The following MYOF variants were observed in gnomAD, a reference collection of about 807,000 sequenced individuals.
The protein encoded by MYOF is fer-1-like 3, myoferlin.
MYOF carries 244 observed loss-of-function variants against 284.2 expected under a neutral mutation model. The ratio of observed to expected loss-of-function variants is 0.86; its 90% CI spans 0.77 to 0.95. The LOEUF is 0.95. Ranked by LOEUF, MYOF falls within the 40% of genes least tolerant of loss-of-function variation. The pLI is 0.00. For missense variants in MYOF, 2,496 were observed against 2,560.6 expected (o/e 0.97, Z 0.54); for synonymous variants, 904 against 919.7 (o/e 0.98, Z 0.31).
chr10:93,331,696 C>T (rs190810894), intron 43 of MYOF, among the ~76,000 whole-genome samples: 9 of 15,108 alleles, frequency 6.0e-4, no homozygotes, highest in East Asian at 5.1e-3. Context: ...GTGCAGCATG[C>T]GGGGGGCGTA....
chr10:93,447,594 G>A (rs555099427), intron 3 of MYOF, among the ~76,000 whole-genome samples: 1 of 152,084 alleles, frequency 6.6e-6, no homozygotes, highest in African/African-American at 2.4e-5. Flanking sequence ...TTTAGACCAC[G>A]GTATAAAACA....
At chr10:93,324,537 ACT>A (rs754691655) in intron 46 of MYOF, 14 of 152,068 alleles carry the variant, frequency 9.2e-5, no homozygotes, top group Non-Finnish European at 2.1e-4. Context: ...AATCTTCCTC[ACT>A]CTGTCATTTC....
intron 16 of MYOF, among the ~76,000 whole-genome samples, chr10:93,394,780 C>T (rs1003822961): frequency 6.9e-6 from 1 of 143,914 alleles, no homozygotes; most frequent in Non-Finnish European, 1.5e-5. Context: ...CTTCTGATTG[C>T]TTTTTTTTTT....
intron 45 of MYOF, among the ~76,000 whole-genome samples, chr10:93,327,637 C>T (rs542572273): frequency 8.1e-5 from 12 of 147,980 alleles, no homozygotes; most frequent in African/African-American, 3.0e-4. Flanking sequence ...CATGATGCTT[C>T]CCAATTTATT....
rs142545451 is a variant in MYOF, at chr10:93,480,066, G to A, written c.88+2041C>T. 3.0e-3 allele frequency among the ~76,000 whole-genome samples: 463 copies of A among 152,250 alleles called. 2 individuals carry two copies. Among genetic ancestry groups the A allele is most frequent in the Middle Eastern group, 0.017 (5 of 294 alleles). On this transcript the variant is annotated intron_variant, in intron 1 of 53. Coordinates refer to ENST00000359263, the MANE Select transcript of MYOF (RefSeq NM_013451.4). Reference sequence around the variant, plus strand: ...ACTTAAATAATTACATGATCGGACTGATCCAAATATATTTTAATGTCTTTA... The same window carrying A: ...ACTTAAATAATTACATGATCGGACTAATCCAAATATATTTTAATGTCTTTA...
chr10:93,325,993 G>A (rs1213344339), intron 45 of MYOF, 28 bp from the exon 46 acceptor site: 2 of 1,613,772 alleles, frequency 1.2e-6, no homozygotes, highest in East Asian at 4.5e-5. Context: ...ATTGAAGCAG[G>A]AATGAGTATT....
chr10:93,452,436 C>G (rs959071078), intron 2 of MYOF, among the ~76,000 whole-genome samples: 1 of 151,744 alleles, frequency 6.6e-6, no homozygotes. Flanking sequence ...CTGGACTCAA[C>G]GACTACCACA....
At chr10:93,362,738 A>G (rs779623032) in intron 27 of MYOF, among the ~76,000 whole-genome samples, 1 of 152,236 alleles carries the variant, frequency 6.6e-6, no homozygotes, top group Non-Finnish European at 1.5e-5. Flanking sequence ...ACTTTAAATT[A>G]AGAGAGTGAA....
In MYOF at chr10:93,388,917, T is replaced by G. The variant is rs759986002; in HGVS notation, c.1581+113A>C. 210 of 1,349,538 alleles carry G rather than the reference T, an allele frequency of 1.6e-4. 1 individual carries two copies. Among genetic ancestry groups the G allele is most frequent in the Non-Finnish European group, 2.0e-4 (204 of 1,007,540 alleles). 83.6% of individuals were successfully genotyped at this position (1,349,538 alleles called of 1,614,324 possible). ...ACAGTCTTTTCCTATCTTTGCATTC[T>G]AAGTCTTAGGGAGTATGAAACTTCT... On this transcript the variant is annotated intron_variant, in intron 18 of 53. Transcript: ENST00000359263.
At chr10:93,432,059 C>T (rs1848897145) in intron 3 of MYOF, among the ~76,000 whole-genome samples, 1 of 151,920 alleles carries the variant, frequency 6.6e-6, no homozygotes, top group African/African-American at 2.4e-5. Flanking sequence ...GAAATTTCAA[C>T]AGTCATGAAT....
chr10:93,449,249 A>C (rs1397933410), intron 3 of MYOF, among the ~76,000 whole-genome samples: 1 of 152,246 alleles, frequency 6.6e-6, no homozygotes, highest in East Asian at 1.9e-4. Flanking sequence ...TAACATTTTG[A>C]ATCTGCTGAG....
intron 3 of MYOF, among the ~76,000 whole-genome samples, chr10:93,446,883 A>C (rs1414221359): frequency 1.3e-5 from 2 of 151,920 alleles, no homozygotes; most frequent in African/African-American, 4.8e-5. Context: ...ACGCCCAGCT[A>C]ATTTTTGTAT....
rs1240311863 is a variant in MYOF at position 93,353,067 on chromosome 10, C to T, written c.3481+744G>A. Reference sequence around the variant, plus strand: ...TGCAGCTCGCTGCCAGCACTCATTTCTCGGGGCAAATGGGAAATGGGTTAA... The same window carrying T: ...TGCAGCTCGCTGCCAGCACTCATTTTTCGGGGCAAATGGGAAATGGGTTAA... On this transcript the variant is annotated intron_variant, in intron 32 of 53. Transcript: ENST00000359263. 5.9e-5 allele frequency among the ~76,000 whole-genome samples: 9 copies of T among 152,166 alleles called. No homozygotes were observed. The East Asian group carries it at 1.7e-3, about 29-fold the overall frequency.
In MYOF at chr10:93,374,890, A is replaced by G. The variant is rs765235466; in HGVS notation, c.2174T>C (p.Leu725Pro). 5.6e-6 allele frequency: 9 copies of G among 1,614,084 alleles called. No homozygotes were observed. The highest frequency in any genetic ancestry group is 7.6e-6 in the Non-Finnish European group (9 of 1,180,030). The change falls in exon 23 of 54, where the codon CTG (leucine) becomes CCG (proline). Residue 725 changes from leucine to proline, a missense_variant. Physicochemically the swap from Leu to Pro is moderately conservative, Grantham distance 98. Transcript: ENST00000359263. ...VTVLDTQIRK[L>P]RSRSLSQIHE... ...TATTTGGGAGAGAGACCTGGACCGC[A>G]GCTTTCGGATCTGAGTATCGAGAAC...
At chr10:93,463,701 A>G (rs941581170) in intron 1 of MYOF, among the ~76,000 whole-genome samples, 1 of 151,770 alleles carries the variant, frequency 6.6e-6, no homozygotes, top group African/African-American at 2.4e-5. Flanking sequence ...CACCCGGCCC[A>G]TCTCTACAAA....
At chr10:93,326,608 G>A (rs787685) in intron 45 of MYOF, among the ~76,000 whole-genome samples, 86,885 of 152,044 alleles carry the variant, frequency 0.57, 26,206 homozygotes, top group East Asian at 0.91. Context: ...TACAGCAGCT[G>A]GCATCACTGG....
At chr10:93,434,000 T>A (rs1848988930) in intron 3 of MYOF, among the ~76,000 whole-genome samples, 1 of 152,222 alleles carries the variant, frequency 6.6e-6, no homozygotes. Context: ...TATAGCACCC[T>A]GTTTCACCCA....
chr10:93,438,653 T>G (rs962200736), intron 3 of MYOF, among the ~76,000 whole-genome samples: 1 of 151,954 alleles, frequency 6.6e-6, no homozygotes, highest in Non-Finnish European at 1.5e-5. Flanking sequence ...TCCCAATGGC[T>G]GTGGGAGTAA....
chr10:93,390,800 CA>C (rs1846639611), intron 17 of MYOF, among the ~76,000 whole-genome samples: 2 of 150,270 alleles, frequency 1.3e-5, no homozygotes, highest in South Asian at 4.2e-4. Context: ...CTGAATCACA[CA>C]CAAAAAAGAT....
Sources: allele counts gnomAD v4.1 joint callset (sites outside exome capture counted in the v4.1 genomes callset), GRCh38; gene constraint gnomAD v4.1.1; transcripts MANE v1.5; gene names NCBI Gene and HGNC (gene_info 2026-07-23, HGNC 2026-07-21).